PAPPA2: variants seen among roughly 807,000 people sequenced by gnomAD.
PAPPA2 encodes the protein pappalysin 2.
PAPPA2 carries 86 observed loss-of-function variants against 176.4 expected under a neutral mutation model. That is an observed-to-expected ratio of 0.49 (90% CI 0.41 to 0.58). The LOEUF is 0.58. PAPPA2 is among the 20% of genes least tolerant of loss of function. The pLI is 0.00. For missense variants in PAPPA2, 2,073 were observed against 2,256.9 expected, an observed-to-expected ratio of 0.92 and a Z score of 1.65; for synonymous variants, 809 against 852.2, an observed-to-expected ratio of 0.95 and a Z score of 0.88.
At chr1:176,502,877 T>C (rs555652554) in intron 1 of PAPPA2, among the ~76,000 whole-genome samples, 1 of 152,330 alleles carries the variant, frequency 6.6e-6, no homozygotes, top group African/African-American at 2.4e-5. Context: ...CGTAGGTTTT[T>C]CTTCCAGTTA....
At chr1:176,688,011 A>C (rs10913240) in intron 4 of PAPPA2, among the ~76,000 whole-genome samples, 76,457 of 152,002 alleles carry the variant, frequency 0.5, 21,416 homozygotes, top group African/African-American at 0.74. Context: ...CTTGTTTTTT[A>C]AAAGTATTAC....
intron 1 of PAPPA2, among the ~76,000 whole-genome samples, chr1:176,512,131 T>C (rs1283360470): frequency 6.7e-6 from 1 of 149,850 alleles, no homozygotes. Flanking sequence ...CCAATAAGCA[T>C]GTACAAATAT....
intron 2 of PAPPA2, among the ~76,000 whole-genome samples, chr1:176,585,168 A>G (rs1335118842): frequency 6.6e-6 from 1 of 152,168 alleles, no homozygotes; most frequent in African/African-American, 2.4e-5. Flanking sequence ...TTGTAAGGCT[A>G]ATCTAGTGGT....
chr1:176,565,725 A>G (rs1254177817), intron 2 of PAPPA2, among the ~76,000 whole-genome samples: 2 of 152,050 alleles, frequency 1.3e-5, no homozygotes, highest in Non-Finnish European at 2.9e-5. Flanking sequence ...CTGCGACATC[A>G]CTGGTGAGTA....
At chr1:176,585,603 A>G (rs894600946) in intron 2 of PAPPA2, among the ~76,000 whole-genome samples, 1 of 152,078 alleles carries the variant, frequency 6.6e-6, no homozygotes, top group African/African-American at 2.4e-5. Flanking sequence ...TTCTCTTTCT[A>G]CAGCTCCCAT....
At chr1:176,766,363 CA>C (rs1453850332) in intron 15 of PAPPA2, among the ~76,000 whole-genome samples, 1 of 152,214 alleles carries the variant, frequency 6.6e-6, no homozygotes, top group Non-Finnish European at 1.5e-5. Flanking sequence ...CAAATTTCTA[CA>C]GCACCATTTT....
intron 3 of PAPPA2, among the ~76,000 whole-genome samples, chr1:176,617,658 A>G (rs925988378): frequency 1.3e-5 from 2 of 152,030 alleles, no homozygotes; most frequent in East Asian, 3.9e-4. Context: ...ATATATATAT[A>G]TATATATCAC....
At chr1:176,699,932 C>T (rs990832964) in intron 8 of PAPPA2, among the ~76,000 whole-genome samples, 3 of 152,176 alleles carry the variant, frequency 2.0e-5, no homozygotes, top group Admixed American at 2.0e-4. Flanking sequence ...CTTTAGCTGT[C>T]TGATCATCTG....
At chr1:176,812,130 T>G (rs1666175550) in intron 21 of PAPPA2, among the ~76,000 whole-genome samples, 1 of 152,136 alleles carries the variant, frequency 6.6e-6, no homozygotes, top group Non-Finnish European at 1.5e-5. Context: ...TTTCTCACTC[T>G]GTTAATTTTC....
chr1:176,513,235 C>T (rs112056989), intron 1 of PAPPA2, among the ~76,000 whole-genome samples: 2,281 of 152,116 alleles, frequency 0.015, 32 homozygotes, highest in Non-Finnish European at 0.023. Context: ...TCTGGAGAAC[C>T]CTAACTAATA....
intron 5 of PAPPA2, chr1:176,690,669 A>C (rs1660077504): frequency 7.6e-7 from 1 of 1,323,930 alleles, no homozygotes; most frequent in Non-Finnish European, 9.6e-7. Flanking sequence ...ATTTTAAAAT[A>C]TACTTCTATC....
chr1:176,529,640 A>T (rs891383513), intron 1 of PAPPA2, among the ~76,000 whole-genome samples: 3 of 152,198 alleles, frequency 2.0e-5, no homozygotes, highest in Non-Finnish European at 4.4e-5. Flanking sequence ...TGCCACACAC[A>T]CATCTCTTCC....
chr1:176,625,091 C>G (rs1655930621), intron 3 of PAPPA2, among the ~76,000 whole-genome samples: 1 of 152,160 alleles, frequency 6.6e-6, no homozygotes, highest in Non-Finnish European at 1.5e-5. Flanking sequence ...GAGTTTAAGG[C>G]CAGTGCTAGG....
intron 1 of PAPPA2, among the ~76,000 whole-genome samples, chr1:176,500,795 A>T (rs1647913984): frequency 2.6e-5 from 4 of 151,292 alleles, no homozygotes; most frequent in Admixed American, 2.6e-4. Context: ...GTGATAACAT[A>T]AATCTAAACC....
chr1:176,543,388 A>T (rs912702467), intron 1 of PAPPA2, among the ~76,000 whole-genome samples: 1 of 151,952 alleles, frequency 6.6e-6, no homozygotes, highest in Non-Finnish European at 1.5e-5. Context: ...CCTGGAGTTT[A>T]CCCTCAATCC....
chr1:176,785,953 A>T (rs1314620742), intron 17 of PAPPA2, among the ~76,000 whole-genome samples: 6 of 152,144 alleles, frequency 3.9e-5, no homozygotes, highest in African/African-American at 1.4e-4. Context: ...TTTCCTTTAT[A>T]ATCATGCTGA....
intron 3 of PAPPA2, among the ~76,000 whole-genome samples, chr1:176,601,450 G>A (rs547827682): frequency 3.3e-5 from 5 of 152,236 alleles, no homozygotes; most frequent in South Asian, 4.2e-4. Context: ...AGAGCCTGAC[G>A]CATCCAGCAT....
chr1:176,478,065 GCCTGATCA>G (rs1652222643), intron 1 of PAPPA2, among the ~76,000 whole-genome samples: 4 of 152,328 alleles, frequency 2.6e-5, no homozygotes, highest in South Asian at 4.1e-4. Context: ...GAAACTGCTG[GCCTGATCA>G]CCTTGCGTAG....
At chr1:176,695,234 G>A (rs892724738) in intron 6 of PAPPA2, among the ~76,000 whole-genome samples, 1 of 152,220 alleles carries the variant, frequency 6.6e-6, no homozygotes, top group African/African-American at 2.4e-5. Flanking sequence ...AAGGGCAATG[G>A]TGAGCCAAGA....
Sources: gnomAD v4.1 joint callset for allele counts (sites outside exome capture counted in the v4.1 genomes callset) on GRCh38, gnomAD v4.1.1 for gene constraint, MANE v1.5 for transcripts, NCBI Gene and HGNC (gene_info 2026-07-23, HGNC 2026-07-21) for gene names.